PILRB: variants seen among roughly 807,000 people sequenced by gnomAD.
The protein encoded by PILRB is paired immunoglobin like type 2 receptor beta.
In PILRB, 21 loss-of-function variants were observed where a neutral mutation model predicts 20.5. The observed-to-expected ratio is 1.02, with a 90% CI of 0.72 to 1.47. PILRB has a LOEUF of 1.47. PILRB is among the 40% of genes most tolerant of loss of function. The pLI, the probability that PILRB is intolerant of heterozygous loss-of-function variation, is 0.00. For missense variants in PILRB, 253 were observed against 272.1 expected (o/e 0.93, Z 0.49); for synonymous variants, 133 against 115.1 (o/e 1.16, Z -0.99).
At position 100,367,298 on chromosome 7, in the gene PILRB, G is replaced by A. The variant is rs759188886; in HGVS notation, c.656-51G>A. ...GATCTCTGAAGCAACTGCCTCGCCTGCCTCACTAATAATCCTGGCCCTGCA... is the reference window on the plus strand; with the variant it reads ...GATCTCTGAAGCAACTGCCTCGCCTACCTCACTAATAATCCTGGCCCTGCA... On this transcript the variant is annotated intron_variant, in intron 3 of 3. Coordinates refer to ENST00000609309, the MANE Select transcript of PILRB (RefSeq NM_178238.4). The A allele has an allele frequency of 3.8e-6, 3 of 780,148 alleles. No individual in the cohort carries two copies. In the East Asian group the frequency reaches 7.3e-5, roughly 19 times the overall value. The allele number at this position is 780,148 out of a possible 1,614,324, so 48.3% of individuals were successfully genotyped here.
Position 100,359,371 on chromosome 7 carries a change from C to T in PILRB, c.489C>T (p.Ser163=), listed in dbSNP as rs760786049. ...CCACCACCACCTGGAGGCCCAGCAG[C>T]ACAACCACCATAGCCGGCCTCAGGG... ...VTTTTTWRPS[S]TTTIAGLRVT... The change falls in exon 3 of 4, where the codon AGC becomes AGT. Residue 163 remains serine (S), a synonymous_variant. Coordinates refer to ENST00000609309, the MANE Select transcript of PILRB (RefSeq NM_178238.4). The T allele has an allele frequency of 6.2e-7, 1 of 1,614,178 alleles. No individual in the cohort carries two copies. The highest frequency in any genetic ancestry group is 1.1e-5 in the South Asian group (1 of 91,084).
At chr7:100,360,920 TTTG>T (rs1483776203) in intron 3 of PILRB, among the ~76,000 whole-genome samples, 2 of 151,884 alleles carry the variant, frequency 1.3e-5, no homozygotes, top group East Asian at 3.9e-4. Flanking sequence ...TAGTTCGGAA[TTTG>T]TTTTTTTGTT....
intron 3 of PILRB, among the ~76,000 whole-genome samples, chr7:100,366,394 G>A (rs552397849): frequency 2.0e-5 from 3 of 152,132 alleles, no homozygotes; most frequent in Middle Eastern, 3.4e-3. Context: ...GAGGGGTGCC[G>A]TGAGGCCTGG....
intron 1 of PILRB, 81 bp downstream of exon 1, chr7:100,358,447 G>A: frequency 6.5e-7 from 1 of 1,533,582 alleles, no homozygotes; most frequent in East Asian, 2.3e-5. Flanking sequence ...AGAACATCTG[G>A]GGCAGGGGCC....
Position 100,359,555 on chromosome 7 carries a change from A to C in PILRB, c.655+18A>C, listed in dbSNP as rs781289434. ...AAGGAAAGGTAAGTGCCCAGAACGCACTGTCTCCTCAAGCTTCCCAGCTGG... is the reference window on the plus strand; with the variant it reads ...AAGGAAAGGTAAGTGCCCAGAACGCCCTGTCTCCTCAAGCTTCCCAGCTGG... On this transcript the variant is annotated intron_variant, in intron 3 of 3. Coordinates refer to ENST00000609309, the MANE Select transcript of PILRB (RefSeq NM_178238.4). 1.2e-6 allele frequency: 2 copies of C among 1,606,070 alleles called. No homozygotes were observed. The highest frequency in any genetic ancestry group is 1.7e-6 in the Non-Finnish European group (2 of 1,173,038).
Position 100,358,347 on chromosome 7 carries a change from G to A in PILRB, c.45G>A (p.Pro15=), listed in dbSNP as rs763314203. 6 of 1,612,462 alleles carry A rather than the reference G, an allele frequency of 3.7e-6. No individual in the cohort carries two copies. The highest frequency in any genetic ancestry group is 4.2e-6 in the Non-Finnish European group (5 of 1,179,950). The change falls in exon 1 of 4, where the codon CCG becomes CCA. Residue 15 remains proline, a synonymous_variant. Coordinates refer to ENST00000609309, the MANE Select transcript of PILRB (RefSeq NM_178238.4). ...LLLPLLLLLQ[P]PAFLQPGGST... ...TGCCCCTGCTGCTCCTGCTGCAGCC[G>A]CCAGCATTTCTGCAGCCTGGTGAGT...
rs781598535 is a variant in PILRB at position 100,358,973 on chromosome 7, G to A, written c.348G>A (p.Arg116=). The change falls in exon 2 of 4, where the codon CGG becomes CGA. Residue 116 remains arginine (R), a synonymous_variant. Transcript: ENST00000609309. ...GCTTCCTCAGGATCTCAAACCTGCG[G>A]AAGGAGGACCAGTCTGTGTATTTCT... ...ESGFLRISNL[R]KEDQSVYFCR... 2.5e-6 allele frequency: 4 copies of A among 1,614,164 alleles called. No homozygotes were observed. Among genetic ancestry groups the A allele is most frequent in the Non-Finnish European group, 2.5e-6 (3 of 1,180,036 alleles).
At chr7:100,361,380 G>A (rs991410535) in intron 3 of PILRB, among the ~76,000 whole-genome samples, 2 of 152,146 alleles carry the variant, frequency 1.3e-5, no homozygotes, top group African/African-American at 4.8e-5. Flanking sequence ...CTCCAAACCT[G>A]ACAGTAAGTT....
chr7:100,367,609 A>C lies in PILRB; in HGVS notation c.*232A>C. 1.7e-6 allele frequency: 1 copy of C among 571,724 alleles called. No individual in the cohort carries two copies. Among genetic ancestry groups the C allele is most frequent in the Non-Finnish European group, 3.1e-6 (1 of 317,752 alleles). 35.4% of individuals were successfully genotyped at this position (571,724 alleles called of 1,614,324 possible). On this transcript the variant is annotated 3_prime_UTR_variant, in exon 4 of 4. Transcript: ENST00000609309. ...AGGAGCATCCACACTGCAATGATAT[A>C]GGAATGAGGTCTGAACTCCACTGAA...
intron 3 of PILRB, among the ~76,000 whole-genome samples, chr7:100,363,696 T>C (rs1790594487): frequency 6.6e-6 from 1 of 152,210 alleles, no homozygotes; most frequent in Non-Finnish European, 1.5e-5. Flanking sequence ...TCAAATGGAA[T>C]CTGAAAGCAC....
At position 100,358,923 on chromosome 7, in the gene PILRB, A is replaced by C. The variant is rs201245883; in HGVS notation, c.298A>C (p.Asn100His). ...HKDYVNRLFL[N>H]WTEGQESGFL... The stretch of plus-strand genomic sequence containing the variant: ...GGATTATGTGAACCGGCTCTTTCTG[A>C]ACTGGACAGAGGGTCAGGAGAGCGG... Residue 100 changes from asparagine to histidine, a missense_variant, in exon 2 of 4, where the codon AAC (asparagine) becomes CAC (histidine). Physicochemically the swap from Asn to His is moderately conservative, Grantham distance 68 (BLOSUM62 1). Transcript: ENST00000609309. 425 of 1,614,112 alleles carry C rather than the reference A, an allele frequency of 2.6e-4. 1 individual carries two copies. The Middle Eastern group carries it at 5.4e-3, about 21-fold the overall frequency.
rs1362717731 is a variant in PILRB at position 100,367,534 on chromosome 7, G to A, written c.*157G>A. 6.3e-6 allele frequency: 4 copies of A among 637,978 alleles called. No homozygotes were observed. The highest frequency in any genetic ancestry group is 2.6e-5 in the Admixed American group (1 of 38,178). The allele number at this position is 637,978 out of a possible 1,614,324, so 39.5% of individuals were successfully genotyped here. ...AAAGCCGCAAGGCAGAAGGAGGCTGGGTCCCTGAATCACCGACTGGAGGAG... is the reference window on the plus strand; with the variant it reads ...AAAGCCGCAAGGCAGAAGGAGGCTGAGTCCCTGAATCACCGACTGGAGGAG... On this transcript the variant is annotated 3_prime_UTR_variant, in exon 4 of 4. Transcript: ENST00000609309.
intron 3 of PILRB, among the ~76,000 whole-genome samples, chr7:100,366,241 A>G (rs1790680809): frequency 6.6e-6 from 1 of 152,204 alleles, no homozygotes; most frequent in African/African-American, 2.4e-5. Context: ...CGCGTGAGCC[A>G]CCGCACCCAC....
At chr7:100,359,643 C>G in intron 3 of PILRB, 106 bp downstream of exon 3, 1 of 985,670 alleles carries the variant, frequency 1.0e-6, no homozygotes, top group Non-Finnish European at 1.5e-6. Flanking sequence ...TGCTGGCTCC[C>G]CTCAAGCCCA....
Position 100,359,462 on chromosome 7 carries a change from T to A in PILRB, c.580T>A (p.Leu194Met). 1.2e-6 allele frequency: 2 copies of A among 1,614,160 alleles called. No homozygotes were observed. Among genetic ancestry groups the A allele is most frequent in the Non-Finnish European group, 1.7e-6 (2 of 1,180,020 alleles). Residue 194 changes from leucine to methionine, a missense_variant, in exon 3 of 4, where the codon TTG becomes ATG. Coordinates refer to ENST00000609309, the MANE Select transcript of PILRB (RefSeq NM_178238.4). The part of the protein sequence containing the change: ...LSLDTAIRVA[L>M]AVAVLKTVIL... ...TCTGGACACTGCCATCAGGGTTGCA[T>A]TGGCTGTCGCTGTGCTCAAAACTGT...
chr7:100,359,136 C>A (rs1400354177), intron 2 of PILRB, 57 bp downstream of exon 2: 1 of 1,603,492 alleles, frequency 6.2e-7, no homozygotes, highest in Non-Finnish European at 8.5e-7. Flanking sequence ...TTTTGGTGAC[C>A]ACTGATGTCT....
intron 1 of PILRB, 131 bp from the exon 2 acceptor site, chr7:100,358,559 G>T (rs1790430578): frequency 7.6e-7 from 1 of 1,316,772 alleles, no homozygotes. Flanking sequence ...GGAGACCCAG[G>T]CCAGAGGTCA....
Position 100,358,139 on chromosome 7 carries a change from G to T in PILRB, c.-164G>T. ...GATAAAGGAAGTGCTGGTCACCCTG[G>T]AGGTGTACTGGTTTGGGGAAGGTCC... On this transcript the variant is annotated 5_prime_UTR_variant, in exon 1 of 4. Transcript: ENST00000609309. 1 of 714,442 alleles carries T rather than the reference G, an allele frequency of 1.4e-6. No homozygotes were observed. Among genetic ancestry groups the T allele is most frequent in the Non-Finnish European group, 2.4e-6 (1 of 410,686 alleles). 44.3% of individuals were successfully genotyped at this position (714,442 alleles called of 1,614,324 possible).
intron 3 of PILRB, 125 bp downstream of exon 3, chr7:100,359,662 G>A (rs546656815): frequency 1.3e-5 from 10 of 798,932 alleles, no homozygotes; most frequent in East Asian, 2.7e-5. Flanking sequence ...CACCAAGGCC[G>A]ACTCTGGCCT....
Sources: allele counts gnomAD v4.1 joint callset (sites outside exome capture counted in the v4.1 genomes callset), GRCh38; gene constraint gnomAD v4.1.1; transcripts MANE v1.5; gene names NCBI Gene and HGNC (gene_info 2026-07-23, HGNC 2026-07-21).